Variants in YWHAE observed in about 807,000 individuals in gnomAD.
YWHAE encodes the protein 14-3-3 protein epsilon.
In YWHAE, 4 loss-of-function variants were observed where a neutral mutation model predicts 30.1. That is an observed-to-expected ratio of 0.13 (90% CI 0.07 to 0.30). The LOEUF (loss-of-function observed/expected upper bound fraction) is 0.30. Among genes scored for constraint, YWHAE ranks in the 10% least tolerant of loss-of-function variants. YWHAE has a pLI of 1.00. For missense variants in YWHAE, 121 were observed against 315.9 expected, an observed-to-expected ratio of 0.38 and a Z score of 4.68; for synonymous variants, 118 against 111.8, an observed-to-expected ratio of 1.06 and a Z score of -0.35.
intron 5 of YWHAE, among the ~76,000 whole-genome samples, chr17:1,349,559 A>G (rs9909564): frequency 0.25 from 37,891 of 152,026 alleles, 5,490 homozygotes; most frequent in African/African-American, 0.4. Context: ...TCTTAACCAA[A>G]TTTAATCAAC....
At chr17:1,375,955 G>A (rs961463505) in intron 1 of YWHAE, among the ~76,000 whole-genome samples, 4 of 152,258 alleles carry the variant, frequency 2.6e-5, no homozygotes, top group South Asian at 2.1e-4. Context: ...GCTAAAATAG[G>A]CACTGTTCCA....
intron 1 of YWHAE, among the ~76,000 whole-genome samples, chr17:1,370,405 A>G (rs1330701024): frequency 6.6e-6 from 1 of 151,772 alleles, no homozygotes; most frequent in Non-Finnish European, 1.5e-5. Context: ...TGCTGGGATT[A>G]CAGGCGTGAG....
At chr17:1,377,031 A>G (rs764916059) in intron 1 of YWHAE, among the ~76,000 whole-genome samples, 1 of 150,362 alleles carries the variant, frequency 6.7e-6, no homozygotes, top group Non-Finnish European at 1.5e-5. Flanking sequence ...CTCTTGCCCC[A>G]GCCTCCCTGG....
chr17:1,349,227 G>A (rs987700400), intron 5 of YWHAE, among the ~76,000 whole-genome samples: 3 of 151,656 alleles, frequency 2.0e-5, no homozygotes, highest in Non-Finnish European at 2.9e-5. Flanking sequence ...TGTAGTCCCA[G>A]CAACTCAGAG....
chr17:1,376,315 T>C (rs1166689759), intron 1 of YWHAE, among the ~76,000 whole-genome samples: 2 of 151,052 alleles, frequency 1.3e-5, no homozygotes, highest in Non-Finnish European at 3.0e-5. Context: ...TCTGCCACCA[T>C]GAGAGAAAGA....
chr17:1,359,274 T>C (rs757571826), intron 4 of YWHAE, among the ~76,000 whole-genome samples: 2 of 151,974 alleles, frequency 1.3e-5, no homozygotes, highest in African/African-American at 4.8e-5. Flanking sequence ...GAGCTATGAG[T>C]GCACAACTGC....
intron 4 of YWHAE, 58 bp from the exon 5 acceptor site, chr17:1,354,405 T>A: frequency 6.5e-7 from 1 of 1,548,888 alleles, no homozygotes; most frequent in Non-Finnish European, 8.8e-7. Context: ...GAATTAGAAA[T>A]GACATGCTAG....
chr17:1,389,643 G>C (rs1365427543), intron 1 of YWHAE, among the ~76,000 whole-genome samples: 3 of 149,832 alleles, frequency 2.0e-5, no homozygotes, highest in South Asian at 4.2e-4. Context: ...CCATTCTCCT[G>C]CCTCAGCCTC....
chr17:1,387,734 T>C (rs1407325874), intron 1 of YWHAE, among the ~76,000 whole-genome samples: 1 of 151,956 alleles, frequency 6.6e-6, no homozygotes, highest in East Asian at 1.9e-4. Flanking sequence ...GCGATTCTGC[T>C]GCCTCAGCCT....
intron 1 of YWHAE, among the ~76,000 whole-genome samples, chr17:1,372,980 C>T (rs1010956934): frequency 6.6e-6 from 1 of 151,846 alleles, no homozygotes; most frequent in Non-Finnish European, 1.5e-5. Flanking sequence ...TGGTGGCTCA[C>T]GCAGTAATCC....
chr17:1,345,588 G>A (rs1316169734), intron 5 of YWHAE, 89 bp from the exon 6 acceptor site: 5 of 1,373,042 alleles, frequency 3.6e-6, no homozygotes, highest in Non-Finnish European at 5.1e-6. Flanking sequence ...CAAGCATAAA[G>A]ACTCTTCTAC....
chr17:1,379,345 C>T (rs1171594669), intron 1 of YWHAE, among the ~76,000 whole-genome samples: 5 of 151,986 alleles, frequency 3.3e-5, no homozygotes, highest in African/African-American at 1.2e-4. Context: ...ATTAGCCGGG[C>T]GTGGTGGCAC....
Position 1,389,614 on chromosome 17 carries a change from T to C in YWHAE, c.64+10433A>G, listed in dbSNP as rs192001295. On this transcript the variant is annotated intron_variant, in intron 1 of 5. Coordinates refer to ENST00000264335, the MANE Select transcript of YWHAE (RefSeq NM_006761.5). ...GGCGCGATCCTGGCTCACTGCAAGC[T>C]CCGCCTCCCGGGTTCATGCCATTCT... Among the ~76,000 whole-genome samples the C allele has an allele frequency of 6.2e-3, 933 of 150,964 alleles. 11 individuals carry two copies. The highest frequency in any genetic ancestry group is 0.021 in the African/African-American group (859 of 41,052).
intron 1 of YWHAE, among the ~76,000 whole-genome samples, chr17:1,390,014 T>TTTA (rs2073366599): frequency 6.6e-6 from 1 of 152,122 alleles, no homozygotes; most frequent in Non-Finnish European, 1.5e-5. Flanking sequence ...AAGCTAATTT[T>TTTA]GTATTTTTTA....
At chr17:1,380,332 G>A (rs990081927) in intron 1 of YWHAE, among the ~76,000 whole-genome samples, 1 of 151,982 alleles carries the variant, frequency 6.6e-6, no homozygotes. Context: ...GGATGGTCTC[G>A]AACTCGTGAC....
At chr17:1,364,554 C>G (rs2072915289) in intron 2 of YWHAE, among the ~76,000 whole-genome samples, 1 of 152,060 alleles carries the variant, frequency 6.6e-6, no homozygotes, top group Non-Finnish European at 1.5e-5. Flanking sequence ...AAAAAACAGT[C>G]ATCATTTTGC....
At chr17:1,356,988 G>C (rs1489494974) in intron 4 of YWHAE, among the ~76,000 whole-genome samples, 3 of 151,874 alleles carry the variant, frequency 2.0e-5, no homozygotes, top group African/African-American at 7.3e-5. Context: ...AACCAAAAGG[G>C]GCCGGGCGCG....
At chr17:1,347,183 A>T (rs888364887) in intron 5 of YWHAE, among the ~76,000 whole-genome samples, 17 of 148,506 alleles carry the variant, frequency 1.1e-4, no homozygotes, top group African/African-American at 4.2e-4. Context: ...AAAAAAAAAA[A>T]AAAAAATTAG....
At position 1,374,204 on chromosome 17, in the gene YWHAE, G is replaced by T. The variant is rs140652496; in HGVS notation, c.65-9146C>A. On this transcript the variant is annotated intron_variant, in intron 1 of 5. Transcript: ENST00000264335. ...GTCTAGGCGAATGTCTGTAATCCCAGCTACTCGGGAGGCTGAAGCAGGACA... is the reference window on the plus strand; with the variant it reads ...GTCTAGGCGAATGTCTGTAATCCCATCTACTCGGGAGGCTGAAGCAGGACA... 2.4e-4 allele frequency among the ~76,000 whole-genome samples: 37 copies of T among 152,046 alleles called. No homozygotes were observed. In the East Asian group the frequency reaches 7.2e-3, roughly 29 times the overall value.
Sources: gnomAD v4.1 joint callset for allele counts (sites outside exome capture counted in the v4.1 genomes callset) on GRCh38, gnomAD v4.1.1 for gene constraint, MANE v1.5 for transcripts, NCBI Gene and HGNC (gene_info 2026-07-23, HGNC 2026-07-21) for gene names.